The following DPP9 variants were observed in gnomAD, a reference collection of about 807,000 sequenced individuals.
DPP9 encodes dipeptidyl peptidase IV-related protein-2.
DPP9 carries 50 observed loss-of-function variants against 110.7 expected under a neutral mutation model. The observed-to-expected ratio is 0.45, with a 90% CI of 0.36 to 0.57. DPP9 has a LOEUF of 0.57. Ranked by LOEUF, DPP9 falls within the 20% of genes least tolerant of loss-of-function variation. The pLI is 0.00. For missense variants in DPP9, 1,022 were observed against 1,217.9 expected (o/e 0.84, Z 2.39); for synonymous variants, 561 against 514.4 (o/e 1.09, Z -1.23).
chr19:4,685,853 C>T lies in DPP9; in HGVS notation c.1886-82G>A, dbSNP rs951433778. On this transcript the variant is annotated intron_variant, in intron 16 of 21. Transcript: ENST00000262960. This position sits in a 1 kb window ranked among gnomAD's most constrained non-coding sequence, Gnocchi z 5.8. The stretch of plus-strand genomic sequence containing the variant: ...CCTTGTTCTCCTGCCCACCCCAAGC[C>T]TTGGAGGGTGGACCAAAGCACCCCC... 77 of 1,522,766 alleles carry T rather than the reference C, an allele frequency of 5.1e-5. No individual in the cohort carries two copies. The highest frequency in any genetic ancestry group is 1.2e-5 in the South Asian group (1 of 83,166). The allele number at this position is 1,522,766 out of a possible 1,614,324, so 94.3% of individuals were successfully genotyped here.
Position 4,689,809 on chromosome 19 carries a change from T to C in DPP9, c.1597-87A>G, listed in dbSNP as rs1026454171. 1.2e-5 allele frequency: 16 copies of C among 1,382,882 alleles called. No homozygotes were observed. Among genetic ancestry groups the C allele is most frequent in the Admixed American group, 5.2e-5 (2 of 38,140 alleles). 85.7% of individuals were successfully genotyped at this position (1,382,882 alleles called of 1,614,324 possible). On this transcript the variant is annotated intron_variant, in intron 14 of 21. Transcript: ENST00000262960. This position sits in a 1 kb window ranked among gnomAD's most constrained non-coding sequence, Gnocchi z 7.0. ...CCACGCCCCACAGGAGTGGGCCCCA[T>C]GTTCCTCGGACTGGGGACGCATGCT... is the stretch of plus-strand genomic sequence containing the variant.
At chr19:4,706,096 A>C in intron 4 of DPP9, 126 bp from the exon 5 acceptor site, 1 of 750,036 alleles carries the variant, frequency 1.3e-6, no homozygotes, top group African/African-American at 1.8e-5. Flanking sequence ...CGCCGGCGGG[A>C]CAGCCCTCCC....
intron 4 of DPP9, among the ~76,000 whole-genome samples, chr19:4,706,478 C>T (rs748633555): frequency 9.9e-5 from 15 of 151,844 alleles, no homozygotes; most frequent in South Asian, 4.2e-4. Flanking sequence ...CTTTTGCAGA[C>T]GACAAGAATT....
chr19:4,677,837 G>A (rs2089097979), intron 21 of DPP9, among the ~76,000 whole-genome samples: 1 of 152,216 alleles, frequency 6.6e-6, no homozygotes, highest in South Asian at 2.1e-4. Flanking sequence ...TAGAGGGTCT[G>A]TCTGGCTCCC....
At position 4,695,024 on chromosome 19, in the gene DPP9, G is replaced by C; in HGVS notation, c.1354-201C>G. On this transcript the variant is annotated intron_variant, in intron 12 of 21. Transcript: ENST00000262960. The surrounding 1 kb of genome is among the most constrained non-coding windows in gnomAD (Gnocchi z 4.7). The stretch of plus-strand genomic sequence containing the variant: ...AAATTAGCCAGGCATGGTGGTGCAG[G>C]CTTGTGGTCCTAGCTACTCTGGAGG... The C allele has an allele frequency of 1.6e-6, 1 of 623,436 alleles. No homozygotes were observed. Among genetic ancestry groups the C allele is most frequent in the Admixed American group, 2.9e-5 (1 of 34,078 alleles). 38.6% of individuals were successfully genotyped at this position (623,436 alleles called of 1,614,324 possible).
chr19:4,679,586 C>T (rs2089500390), intron 21 of DPP9: 8 of 519,794 alleles, frequency 1.5e-5, no homozygotes, highest in Non-Finnish European at 2.4e-5. Context: ...GTGGGTGTGG[C>T]AGCCCCCGAT....
In DPP9 at chr19:4,685,677, C is replaced by G; in HGVS notation, c.1980G>C (p.Leu660Phe). Residue 660 changes from leucine (L) to phenylalanine (F), a missense_variant, in exon 17 of 22, where the codon TTG becomes TTC. This residue lies in a region of DPP9 where 810 missense variants were observed against 920.6 expected (regional missense o/e 0.88). Transcript: ENST00000262960. This position sits in a 1 kb window ranked among gnomAD's most constrained non-coding sequence, Gnocchi z 5.8. ...CGGTGGGGTGCTTCTTCCCTGGCTG[C>G]AAGGCGTGGGGCTTGTAGATCATGC... ...LYGMIYKPHA[L>F]QPGKKHPTVL... 1 of 1,613,018 alleles carries G rather than the reference C, an allele frequency of 6.2e-7. No homozygotes were observed. Among genetic ancestry groups the G allele is most frequent in the Non-Finnish European group, 8.5e-7 (1 of 1,179,624 alleles).
chr19:4,707,326 C>T (rs2092632410), intron 4 of DPP9, among the ~76,000 whole-genome samples: 1 of 152,114 alleles, frequency 6.6e-6, no homozygotes, highest in Non-Finnish European at 1.5e-5. Flanking sequence ...CTTAGATCTG[C>T]TGGATGACAG....
In DPP9 at chr19:4,687,466, C is replaced by T. The variant is rs1165798330; in HGVS notation, c.1885+1291G>A. The stretch of plus-strand genomic sequence containing the variant: ...ACGCTGATGTGTGTGACGGAGCCAG[C>T]ACTGGAACCCGGAGTCACCAATGCA... On this transcript the variant is annotated intron_variant, in intron 16 of 21. Coordinates refer to ENST00000262960, the MANE Select transcript of DPP9 (RefSeq NM_139159.5). The surrounding 1 kb of genome is among the most constrained non-coding windows in gnomAD (Gnocchi z 4.7). Among the ~76,000 whole-genome samples, 1 of 152,214 alleles carries T rather than the reference C, an allele frequency of 6.6e-6. No individual in the cohort carries two copies. Among genetic ancestry groups the T allele is most frequent in the African/African-American group, 2.4e-5 (1 of 41,452 alleles).
At position 4,698,505 on chromosome 19, in the gene DPP9, A is replaced by C. The variant is rs1465787433; in HGVS notation, c.1075-854T>G. On this transcript the variant is annotated intron_variant, in intron 10 of 21. Coordinates refer to ENST00000262960, the MANE Select transcript of DPP9 (RefSeq NM_139159.5). The surrounding 1 kb of genome is among the most constrained non-coding windows in gnomAD (Gnocchi z 4.2). ...GGTGGCTCACACCTGTAATCCCAGC[A>C]CCTTGAGAGGCTGAGGCAGGTGGAT... 1.3e-5 allele frequency among the ~76,000 whole-genome samples: 2 copies of C among 152,104 alleles called. No individual in the cohort carries two copies. The highest frequency in any genetic ancestry group is 1.5e-5 in the Non-Finnish European group (1 of 68,010).
chr19:4,702,817 G>T (rs2092350418), intron 7 of DPP9, 101 bp from the exon 8 acceptor site: 1 of 249,354 alleles, frequency 4.0e-6, no homozygotes, highest in African/African-American at 3.3e-5. Flanking sequence ...GGAGAGAGAA[G>T]GAGGGAAGGA....
intron 21 of DPP9, chr19:4,679,568 G>T: frequency 2.0e-6 from 1 of 499,310 alleles, no homozygotes; most frequent in East Asian, 3.6e-5. Flanking sequence ...ATTAGGCCCG[G>T]AGCAGGGGTG....
intron 1 of DPP9, among the ~76,000 whole-genome samples, chr19:4,723,442 G>A (rs2093409757): frequency 1.3e-5 from 2 of 152,180 alleles, no homozygotes; most frequent in South Asian, 4.1e-4. Flanking sequence ...GAGAAACTGG[G>A]AGGTGGCCTG....
In DPP9 at chr19:4,702,634, C is replaced by G; in HGVS notation, c.852G>C (p.Gly284=). ...AGGAGGCTGTGGGGCACCACCAGTACCCAGTGAAGCGGTCGAACTCTTCCT... is the reference window on the plus strand; with the variant it reads ...AGGAGGCTGTGGGGCACCACCAGTAGCCAGTGAAGCGGTCGAACTCTTCCT... ...VIQEEFDRFT[G]YWWCPTASWE... Residue 284 remains glycine (G), a synonymous_variant, in exon 8 of 22, where the codon GGG becomes GGC. Coordinates refer to ENST00000262960, the MANE Select transcript of DPP9 (RefSeq NM_139159.5). 6.2e-7 allele frequency: 1 copy of G among 1,603,500 alleles called. No homozygotes were observed. Among genetic ancestry groups the G allele is most frequent in the Non-Finnish European group, 8.5e-7 (1 of 1,175,332 alleles).
chr19:4,683,113 C>A, intron 19 of DPP9: 1 of 1,474,314 alleles, frequency 6.8e-7, no homozygotes. Context: ...CCTCCTCCTC[C>A]TCATCGCCGC....
chr19:4,703,147 A>C (rs575888410), intron 7 of DPP9, among the ~76,000 whole-genome samples: 7 of 152,230 alleles, frequency 4.6e-5, no homozygotes, highest in African/African-American at 1.7e-4. Flanking sequence ...AAGACAAGGA[A>C]GGATGGGGTC....
rs1387131834 is a variant in DPP9 at position 4,704,436 on chromosome 19, T to C, written c.427-132A>G. 17 of 1,150,518 alleles carry C rather than the reference T, an allele frequency of 1.5e-5. No homozygotes were observed. The allele number at this position is 1,150,518 out of a possible 1,614,324, so 71.3% of individuals were successfully genotyped here. Reference sequence around the variant, plus strand: ...GGGCCTCGCCAGAGAGAACTTCCTGTACTGGGCAGAATTGGCTGCCGGAGC... The same window carrying C: ...GGGCCTCGCCAGAGAGAACTTCCTGCACTGGGCAGAATTGGCTGCCGGAGC... On this transcript the variant is annotated intron_variant, in intron 5 of 21. Transcript: ENST00000262960. The surrounding 1 kb of genome is among the most constrained non-coding windows in gnomAD (Gnocchi z 6.0).
chr19:4,706,913 C>CG (rs1182625720), intron 4 of DPP9, among the ~76,000 whole-genome samples: 2 of 152,194 alleles, frequency 1.3e-5, no homozygotes. Context: ...TGGGGCTGTC[C>CG]TGACCACTGC....
intron 4 of DPP9, among the ~76,000 whole-genome samples, chr19:4,712,512 C>G (rs1245753544): frequency 1.3e-5 from 2 of 151,932 alleles, no homozygotes; most frequent in Non-Finnish European, 2.9e-5. Context: ...GATTACACCA[C>G]TGCACTCCAG....
Sources: gnomAD v4.1 joint callset for allele counts (sites outside exome capture counted in the v4.1 genomes callset) on GRCh38, gnomAD v4.1.1 for gene constraint, gnomAD v4.1.1 regional missense constraint, Gnocchi (gnomAD v3.1) non-coding constraint, MANE v1.5 for transcripts, NCBI Gene and HGNC (gene_info 2026-07-23, HGNC 2026-07-21) for gene names.